ZRANB3: variants seen among roughly 807,000 people sequenced by gnomAD.
ZRANB3 encodes the protein DNA annealing helicase and endonuclease ZRANB3.
Under a neutral mutation model 133.8 loss-of-function variants are expected in ZRANB3, and 125 were observed. The ratio of observed to expected loss-of-function variants is 0.93; its 90% CI spans 0.81 to 1.08. The LOEUF is 1.08. ZRANB3 is among the 50% of genes least tolerant of loss of function. The pLI is 0.00. For missense variants in ZRANB3, 1,229 were observed against 1,275.5 expected, an observed-to-expected ratio of 0.96 and a Z score of 0.56; for synonymous variants, 387 against 432.7, an observed-to-expected ratio of 0.89 and a Z score of 1.31.
chr2:135,236,910 T>C (rs968816198), intron 12 of ZRANB3, among the ~76,000 whole-genome samples: 13 of 152,050 alleles, frequency 8.5e-5, no homozygotes, highest in Admixed American at 3.3e-4. Context: ...ACACCAAAAG[T>C]AATGGCAACA....
At chr2:135,361,127 A>T (rs1336808827) in intron 3 of ZRANB3, among the ~76,000 whole-genome samples, 1 of 152,252 alleles carries the variant, frequency 6.6e-6, no homozygotes, top group East Asian at 1.9e-4. Context: ...GCATTCAATT[A>T]TAAAAGCAAC....
rs367547440 is a variant in ZRANB3, at chr2:135,209,020, T to C, written c.2496-42A>G. ...TTAAATAGATTCCCTCTATCTCATA[T>C]AAAAATGTCTCTATTGCATGTTTAC... On this transcript the variant is annotated intron_variant, in intron 17 of 20. Coordinates refer to ENST00000264159, the MANE Select transcript of ZRANB3 (RefSeq NM_032143.4). 7.7e-6 allele frequency: 12 copies of C among 1,565,090 alleles called. No individual in the cohort carries two copies. The African/African-American group carries it at 9.5e-5, about 12-fold the overall frequency.
intron 2 of ZRANB3, among the ~76,000 whole-genome samples, chr2:135,479,762 C>T (rs1358719573): frequency 6.6e-6 from 1 of 151,976 alleles, no homozygotes; most frequent in Non-Finnish European, 1.5e-5. Flanking sequence ...TGGGACCCAC[C>T]CTGCTTGAAG....
chr2:135,224,638 CA>C (rs1694687702), intron 14 of ZRANB3, 121 bp from the exon 15 acceptor site: 6 of 603,092 alleles, frequency 9.9e-6, no homozygotes, highest in Non-Finnish European at 1.6e-5. Flanking sequence ...ATATATTTAA[CA>C]AAAAGTAATT....
rs546825087 is a variant in ZRANB3, at chr2:135,384,795, C to A, written c.180+6007G>T. 2.6e-5 allele frequency among the ~76,000 whole-genome samples: 4 copies of A among 152,212 alleles called. No individual in the cohort carries two copies. The East Asian group carries it at 5.8e-4, about 22-fold the overall frequency. Reference sequence around the variant, plus strand: ...AAGGCCTTTGACAAAATTCAACAGCCCTTCATGCTAAAAACTCTCAATAAA... The same window carrying A: ...AAGGCCTTTGACAAAATTCAACAGCACTTCATGCTAAAAACTCTCAATAAA... On this transcript the variant is annotated intron_variant, in intron 3 of 20. Transcript: ENST00000264159.
chr2:135,248,756 A>T (rs550513884), intron 12 of ZRANB3, among the ~76,000 whole-genome samples: 1 of 152,222 alleles, frequency 6.6e-6, no homozygotes, highest in African/African-American at 2.4e-5. Context: ...AACTACAAAA[A>T]TTAGCTGAGC....
intron 12 of ZRANB3, among the ~76,000 whole-genome samples, chr2:135,246,161 C>A (rs563147778): frequency 6.6e-6 from 1 of 150,782 alleles, no homozygotes; most frequent in South Asian, 2.1e-4. Flanking sequence ...GCCTCAGCCT[C>A]CCAAAGTGCT....
intron 2 of ZRANB3, among the ~76,000 whole-genome samples, chr2:135,473,077 G>T (rs1298705872): frequency 6.6e-6 from 1 of 152,066 alleles, no homozygotes; most frequent in Admixed American, 6.5e-5. Context: ...ACTTTGTTGT[G>T]CAACCTTCAC....
chr2:135,507,994 C>G (rs1693271780), intron 1 of ZRANB3, among the ~76,000 whole-genome samples: 1 of 149,058 alleles, frequency 6.7e-6, no homozygotes, highest in African/African-American at 2.5e-5. Flanking sequence ...GAGAGAATAA[C>G]AAAACAAAAC....
At chr2:135,335,529 C>G (rs1425129914) in intron 6 of ZRANB3, among the ~76,000 whole-genome samples, 1 of 151,980 alleles carries the variant, frequency 6.6e-6, no homozygotes, top group African/African-American at 2.4e-5. Context: ...CCTGTTTCCA[C>G]TAAAAATACA....
chr2:135,289,134 T>C (rs1292255778), intron 8 of ZRANB3, among the ~76,000 whole-genome samples: 1 of 152,212 alleles, frequency 6.6e-6, no homozygotes, highest in East Asian at 1.9e-4. Flanking sequence ...GTCACTATTA[T>C]CATTCAGTTC....
intron 8 of ZRANB3, among the ~76,000 whole-genome samples, chr2:135,295,231 T>A (rs896612054): frequency 3.3e-5 from 5 of 152,228 alleles, no homozygotes; most frequent in African/African-American, 1.2e-4. Flanking sequence ...TGTAGGTCAC[T>A]AAGGACTTGC....
chr2:135,370,176 T>G (rs1040143019), intron 3 of ZRANB3, among the ~76,000 whole-genome samples: 1 of 152,010 alleles, frequency 6.6e-6, no homozygotes, highest in Non-Finnish European at 1.5e-5. Flanking sequence ...AATCTTTTTT[T>G]TTTTAACTTT....
At chr2:135,360,501 C>T (rs746728890) in intron 3 of ZRANB3, among the ~76,000 whole-genome samples, 26 of 152,052 alleles carry the variant, frequency 1.7e-4, no homozygotes, top group Admixed American at 4.6e-4. Context: ...GTCAGGAGAT[C>T]GAGACCATCC....
intron 1 of ZRANB3, among the ~76,000 whole-genome samples, chr2:135,524,050 G>T (rs1694050797): frequency 6.6e-6 from 1 of 152,092 alleles, no homozygotes; most frequent in African/African-American, 2.4e-5. Flanking sequence ...TAAAAAATAA[G>T]ATGGGCTTTT....
At chr2:135,519,795 C>A (rs1407663854) in intron 1 of ZRANB3, among the ~76,000 whole-genome samples, 3 of 152,018 alleles carry the variant, frequency 2.0e-5, no homozygotes, top group Non-Finnish European at 4.4e-5. Flanking sequence ...AGAAAGACTA[C>A]AGGGGAAGTA....
At chr2:135,269,744 T>C (rs1478038392) in intron 10 of ZRANB3, among the ~76,000 whole-genome samples, 1 of 152,190 alleles carries the variant, frequency 6.6e-6, no homozygotes. Flanking sequence ...ATAATCAATA[T>C]ATGAAATAAT....
intron 6 of ZRANB3, among the ~76,000 whole-genome samples, chr2:135,320,950 G>A (rs1191176465): frequency 6.6e-6 from 1 of 152,196 alleles, no homozygotes; most frequent in African/African-American, 2.4e-5. Flanking sequence ...GCATTTGAAA[G>A]TTATATATGT....
At chr2:135,202,663 G>A (rs924171510) in intron 20 of ZRANB3, 169 bp downstream of exon 20, 14 of 679,142 alleles carry the variant, frequency 2.1e-5, no homozygotes, top group Non-Finnish European at 3.2e-5. Context: ...TTGCATCTGT[G>A]ACACGGGCCT....
Sources: allele counts gnomAD v4.1 joint callset (sites outside exome capture counted in the v4.1 genomes callset), GRCh38; gene constraint gnomAD v4.1.1; transcripts MANE v1.5; gene names NCBI Gene and HGNC (gene_info 2026-07-23, HGNC 2026-07-21).